LETM1: variants seen among roughly 807,000 people sequenced by gnomAD.
The protein encoded by LETM1 is leucine zipper and EF-hand containing transmembrane protein 1, also known as mitochondrial proton/calcium exchanger protein.
LETM1 carries 50 observed loss-of-function variants against 74.5 expected under a neutral mutation model. The ratio of observed to expected loss-of-function variants is 0.67; its 90% CI spans 0.53 to 0.85. The LOEUF is 0.85. Among genes scored for constraint, LETM1 ranks in the 40% least tolerant of loss-of-function variants. The pLI is 0.00. For synonymous variants in LETM1, 446 were observed against 407.1 expected, an observed-to-expected ratio of 1.10 and a Z score of -1.15; for missense variants, 824 against 967.8, an observed-to-expected ratio of 0.85 and a Z score of 1.97.
rs116737509 is a variant in LETM1, at chr4:1,819,562, C to T, written c.1609-90G>A. 446 of 1,418,988 alleles carry T rather than the reference C, an allele frequency of 3.1e-4. 5 individuals carry two copies. In the African/African-American group the frequency reaches 4.7e-3, roughly 15 times the overall value. 87.9% of individuals were successfully genotyped at this position (1,418,988 alleles called of 1,614,324 possible). A position where few individuals can be genotyped will look rare whatever the true frequency, so the allele number is the denominator to read the frequency against. ...GACCAGCTGCTCTGTTCATATTATA[C>T]GGGCAGCCCAGGGCAAGAGTCTCAC... On this transcript the variant is annotated intron_variant, in intron 10 of 13. Transcript: ENST00000302787.
At chr4:1,847,871 C>T (rs1160261403) in intron 2 of LETM1, among the ~76,000 whole-genome samples, 2 of 149,534 alleles carry the variant, frequency 1.3e-5, no homozygotes, top group African/African-American at 4.9e-5. Context: ...GGTGTGCGCG[C>T]CTGTAATCCC....
At chr4:1,839,195 C>G (rs1020761283) in intron 3 of LETM1, 2 of 152,138 alleles carry the variant, frequency 1.3e-5, no homozygotes, top group African/African-American at 4.8e-5. Flanking sequence ...AAACCAGGAG[C>G]CCCGAGAGCC....
At chr4:1,822,141 C>T (rs372359085) in intron 10 of LETM1, 40 bp downstream of exon 10, 94 of 1,361,752 alleles carry the variant, frequency 6.9e-5, no homozygotes, top group Non-Finnish European at 4.2e-5. Flanking sequence ...CCAGGCCATG[C>T]CCTCCTCAGC....
chr4:1,814,634 G>A (rs1281989165), intron 13 of LETM1, 61 bp from the exon 14 acceptor site: 45 of 1,483,468 alleles, frequency 3.0e-5, no homozygotes, highest in Middle Eastern at 3.5e-4. Flanking sequence ...GTGAGGCAGA[G>A]GCGGGGCCAG....
rs372914515 is a variant in LETM1, at chr4:1,818,940, T to G, written c.1743+398A>C. On this transcript the variant is annotated intron_variant, in intron 11 of 13. Transcript: ENST00000302787. ...CTACTAAAAATACAAAAAATTGAGCTGGGCATGGTGGCACATGTTTACAGT... is the reference window on the plus strand; with the variant it reads ...CTACTAAAAATACAAAAAATTGAGCGGGGCATGGTGGCACATGTTTACAGT... 2.7e-3 allele frequency among the ~76,000 whole-genome samples: 408 copies of G among 151,384 alleles called. 2 individuals carry two copies. Among genetic ancestry groups the G allele is most frequent in the African/African-American group, 9.6e-3 (395 of 41,266 alleles).
chr4:1,845,043 A>G (rs1330743886), intron 2 of LETM1, among the ~76,000 whole-genome samples: 1 of 151,646 alleles, frequency 6.6e-6, no homozygotes, highest in Non-Finnish European at 1.5e-5. Flanking sequence ...TACAAAAATT[A>G]GCTGGGCATG....
In LETM1 at chr4:1,832,775, A is replaced by G; in HGVS notation, c.1049T>C (p.Met350Thr). The G allele has an allele frequency of 6.2e-7, 1 of 1,614,206 alleles. No individual in the cohort carries two copies. The highest frequency in any genetic ancestry group is 8.5e-7 in the Non-Finnish European group (1 of 1,180,034). ...TNNFLRFQLT[M>T]RLRSIKADDK... Reference sequence around the variant, plus strand: ...GTCTGCCTTTATGGAGCGCAGCCGCATGGTAAGCTGGAAGCGCAGGAAGTT... The same window carrying G: ...GTCTGCCTTTATGGAGCGCAGCCGCGTGGTAAGCTGGAAGCGCAGGAAGTT... The change falls in exon 6 of 14, where the codon ATG (methionine) becomes ACG (threonine). Residue 350 changes from methionine (M) to threonine (T), a missense_variant. Met to Thr is a moderately conservative substitution (Grantham distance 81, BLOSUM62 -1). Around this residue, in one of 4 missense-constraint regions of LETM1, gnomAD observed 269 missense variants for 348.8 expected, o/e 0.77. Coordinates refer to ENST00000302787, the MANE Select transcript of LETM1 (RefSeq NM_012318.3).
chr4:1,828,784 G>A (rs545176126), intron 6 of LETM1, among the ~76,000 whole-genome samples: 23 of 141,642 alleles, frequency 1.6e-4, no homozygotes, highest in Non-Finnish European at 9.3e-5. Context: ...CCCACCCCCC[G>A]GACGGGGCGG....
chr4:1,848,249 C>G (rs978636026), intron 2 of LETM1, among the ~76,000 whole-genome samples: 13 of 151,864 alleles, frequency 8.6e-5, no homozygotes, highest in Admixed American at 8.5e-4. Flanking sequence ...AATAAAAATA[C>G]AAAAATTAGC....
intron 5 of LETM1, 176 bp from the exon 6 acceptor site, chr4:1,833,123 A>G (rs183205879): frequency 1.2e-4 from 73 of 607,476 alleles, no homozygotes; most frequent in African/African-American, 7.8e-4. Flanking sequence ...CCAGGCTGGA[A>G]TGCAGTGGTG....
intron 10 of LETM1, among the ~76,000 whole-genome samples, chr4:1,821,013 T>A (rs1006067625): frequency 1.3e-5 from 2 of 151,896 alleles, no homozygotes; most frequent in Non-Finnish European, 2.9e-5. Flanking sequence ...CAGAGTGAGA[T>A]CCCACCTCAA....
intron 10 of LETM1, among the ~76,000 whole-genome samples, chr4:1,820,317 C>T (rs1577310755): frequency 1.3e-5 from 2 of 152,274 alleles, no homozygotes; most frequent in Non-Finnish European, 2.9e-5. Context: ...CAAATTTATC[C>T]CTAAGTAGTT....
At chr4:1,820,149 T>C (rs1407796055) in intron 10 of LETM1, among the ~76,000 whole-genome samples, 1 of 152,244 alleles carries the variant, frequency 6.6e-6, no homozygotes, top group Non-Finnish European at 1.5e-5. Flanking sequence ...TTGCCCAGGC[T>C]GGTCTCAAAC....
chr4:1,828,136 G>A (rs1405386365), intron 6 of LETM1, among the ~76,000 whole-genome samples: 2 of 119,112 alleles, frequency 1.7e-5, no homozygotes, highest in African/African-American at 3.3e-5. Context: ...GCGGCTGGCC[G>A]GGCAGAGGGG....
At chr4:1,854,236 C>T (rs2108859364) in intron 1 of LETM1, among the ~76,000 whole-genome samples, 1 of 152,216 alleles carries the variant, frequency 6.6e-6, no homozygotes, top group East Asian at 1.9e-4. Flanking sequence ...AATCCCAGCA[C>T]TTTGGGAGGC....
intron 6 of LETM1, among the ~76,000 whole-genome samples, chr4:1,827,075 G>A (rs577504875): frequency 2.6e-5 from 4 of 152,154 alleles, no homozygotes; most frequent in African/African-American, 7.2e-5. Context: ...GCCGACCCTC[G>A]CTCTGGTTGC....
chr4:1,816,201 G>A (rs1711564406), intron 12 of LETM1, among the ~76,000 whole-genome samples: 1 of 151,534 alleles, frequency 6.6e-6, no homozygotes, highest in South Asian at 2.1e-4. Flanking sequence ...AGGGTGCCAC[G>A]TGCAGCCCAC....
At chr4:1,844,099 G>A (rs902166332) in intron 2 of LETM1, among the ~76,000 whole-genome samples, 2 of 152,166 alleles carry the variant, frequency 1.3e-5, no homozygotes, top group African/African-American at 4.8e-5. Flanking sequence ...AGGCAAAGAC[G>A]AAGACTCGGA....
rs1293602928 is a variant in LETM1, at chr4:1,847,713, ACTAGGGAGG to A, written c.143+1427_143+1435del. Among the ~76,000 whole-genome samples, 5 of 151,890 alleles carry A rather than the reference ACTAGGGAGG, an allele frequency of 3.3e-5. No individual in the cohort carries two copies. In the East Asian group the frequency reaches 9.7e-4, roughly 30 times the overall value. ...GGTGGCGGCGTCTCTAATCCCAGCTACTAGGGAGGCTGAGGCAGGAGAATCGCTTGAACC... is the reference window on the plus strand; with the variant it reads ...GGTGGCGGCGTCTCTAATCCCAGCTACTGAGGCAGGAGAATCGCTTGAACC... On this transcript the variant is annotated intron_variant, in intron 2 of 13. Transcript: ENST00000302787.
Sources: allele counts gnomAD v4.1 joint callset (sites outside exome capture counted in the v4.1 genomes callset), GRCh38; gene constraint gnomAD v4.1.1; regional missense constraint gnomAD v4.1.1; transcripts MANE v1.5; gene names NCBI Gene and HGNC (gene_info 2026-07-23, HGNC 2026-07-21).